Variants in CADM2 observed in about 807,000 individuals in gnomAD.
The protein encoded by CADM2 is cell adhesion molecule 2.
Under a neutral mutation model 49.8 loss-of-function variants are expected in CADM2, and 12 were observed. That is an observed-to-expected ratio of 0.24 (90% CI 0.15 to 0.39). The LOEUF is 0.39. Among genes scored for constraint, CADM2 ranks in the 10% least tolerant of loss-of-function variants. The pLI is 1.00. For missense variants in CADM2, 378 were observed against 492.3 expected (o/e 0.77, Z 2.20); for synonymous variants, 214 against 175.4 (o/e 1.22, Z -1.74).
chr3:85,383,129 C>T (rs897522324), intron 1 of CADM2, among the ~76,000 whole-genome samples: 1 of 152,174 alleles, frequency 6.6e-6, no homozygotes, highest in Non-Finnish European at 1.5e-5. Context: ...AAGCTGTAAA[C>T]AATCCAGCTG....
At chr3:85,916,244 A>C (rs1399437761) in intron 6 of CADM2, among the ~76,000 whole-genome samples, 1 of 152,090 alleles carries the variant, frequency 6.6e-6, no homozygotes, top group Non-Finnish European at 1.5e-5. Context: ...ATATGTATAC[A>C]TGTGCCATGT....
At chr3:85,821,625 TTTATC>T (rs1392480753) in intron 3 of CADM2, among the ~76,000 whole-genome samples, 2 of 152,150 alleles carry the variant, frequency 1.3e-5, no homozygotes, top group African/African-American at 4.8e-5. Context: ...CAGGAACTGT[TTTATC>T]TTCTATGCAA....
At chr3:85,674,130 T>C (rs185268120) in intron 1 of CADM2, among the ~76,000 whole-genome samples, 46 of 152,232 alleles carry the variant, frequency 3.0e-4, no homozygotes, top group Non-Finnish European at 6.2e-4. Flanking sequence ...GATTACATTT[T>C]AGTAGGTCTG....
intron 3 of CADM2, among the ~76,000 whole-genome samples, chr3:85,802,618 T>G (rs2072120831): frequency 6.6e-6 from 1 of 152,138 alleles, no homozygotes; most frequent in Non-Finnish European, 1.5e-5. Flanking sequence ...TTTCATGACT[T>G]TGCTCCGAAA....
chr3:85,742,306 A>G (rs1358697828), intron 2 of CADM2, among the ~76,000 whole-genome samples: 1 of 152,178 alleles, frequency 6.6e-6, no homozygotes, highest in African/African-American at 2.4e-5. Context: ...CATGTTATAG[A>G]TGTTATACAT....
chr3:85,886,444 A>G (rs966310767), intron 5 of CADM2, 117 bp downstream of exon 5: 10 of 703,116 alleles, frequency 1.4e-5, no homozygotes, highest in Admixed American at 1.0e-4. Context: ...ATTATGCATC[A>G]TTTGAACCAG....
chr3:85,354,861 A>T (rs1365088776), intron 1 of CADM2, among the ~76,000 whole-genome samples: 3 of 152,018 alleles, frequency 2.0e-5, no homozygotes, highest in Admixed American at 2.0e-4. Context: ...GCTGAGTGAG[A>T]TGGCCAAATA....
intron 1 of CADM2, among the ~76,000 whole-genome samples, chr3:85,546,475 T>A (rs2061672329): frequency 6.6e-6 from 1 of 152,124 alleles, no homozygotes; most frequent in Non-Finnish European, 1.5e-5. Flanking sequence ...CTTGTTCTTT[T>A]GTTTTCAAAG....
intron 8 of CADM2, 45 bp downstream of exon 8, chr3:85,961,692 T>G: frequency 7.2e-7 from 1 of 1,386,212 alleles, no homozygotes; most frequent in Non-Finnish European, 9.7e-7. Context: ...GATGCATAAC[T>G]TGAAAAACTA....
At position 85,415,279 on chromosome 3, in the gene CADM2, T is replaced by G. The variant is rs537678140; in HGVS notation, c.62-311243T>G. 5.9e-5 allele frequency among the ~76,000 whole-genome samples: 9 copies of G among 152,192 alleles called. No homozygotes were observed. In the South Asian group the frequency reaches 1.9e-3, roughly 32 times the overall value. On this transcript the variant is annotated intron_variant, in intron 1 of 9. Coordinates refer to ENST00000383699, the MANE Select transcript of CADM2 (RefSeq NM_001167675.2). ...TCGTGGACTTAAGAATTGCCCCTAG[T>G]TGGTTTAAATATATTTCCGGGTTCC...
At chr3:85,347,837 T>C (rs2030901502) in intron 1 of CADM2, among the ~76,000 whole-genome samples, 1 of 150,482 alleles carries the variant, frequency 6.6e-6, no homozygotes, top group South Asian at 2.1e-4. Context: ...AGATGGAGTC[T>C]CGCTCTGTCG....
chr3:85,351,013 C>G (rs950409975), intron 1 of CADM2, among the ~76,000 whole-genome samples: 26 of 152,192 alleles, frequency 1.7e-4, no homozygotes, highest in African/African-American at 6.3e-4. Flanking sequence ...AAAGTAAACT[C>G]AGATATACTG....
chr3:85,092,859 C>G (rs1037047270), intron 1 of CADM2, among the ~76,000 whole-genome samples: 7 of 152,132 alleles, frequency 4.6e-5, no homozygotes, highest in Non-Finnish European at 1.5e-5. Flanking sequence ...GCAGACTTTA[C>G]GACAAGGTGC....
intron 1 of CADM2, among the ~76,000 whole-genome samples, chr3:85,009,906 A>AATAC (rs1442140371): frequency 2.0e-4 from 30 of 146,696 alleles, no homozygotes; most frequent in African/African-American, 7.2e-4. Context: ...TAAATAAATA[A>AATAC]ATATTTTAAA....
At chr3:85,427,427 G>C (rs182806830) in intron 1 of CADM2, among the ~76,000 whole-genome samples, 2 of 151,778 alleles carry the variant, frequency 1.3e-5, no homozygotes, top group African/African-American at 4.8e-5. Context: ...GAGGTTAAGC[G>C]TCTAGGTTTT....
chr3:85,477,864 A>T, intron 1 of CADM2, among the ~76,000 whole-genome samples: 1 of 151,942 alleles, frequency 6.6e-6, no homozygotes, highest in Non-Finnish European at 1.5e-5. Flanking sequence ...TAGTGTGTAA[A>T]TAACACCAGT....
rs544512796 is a variant in CADM2 at position 85,072,107 on chromosome 3, A to G, written c.61+112439A>G. ...AAACTGGGTAATCTTCAATTATTAA[A>G]TGATTATTTCCAAATAATAAGATTT... On this transcript the variant is annotated intron_variant, in intron 1 of 9. Coordinates refer to ENST00000383699, the MANE Select transcript of CADM2 (RefSeq NM_001167675.2). Among the ~76,000 whole-genome samples, 254 of 151,840 alleles carry G rather than the reference A, an allele frequency of 1.7e-3. 1 individual carries two copies. The highest frequency in any genetic ancestry group is 2.7e-3 in the Non-Finnish European group (186 of 67,832).
intron 8 of CADM2, chr3:86,015,061 A>G: frequency 1.4e-6 from 1 of 724,754 alleles, no homozygotes. Context: ...ACACACGTTA[A>G]ACCCTATACA....
At chr3:85,354,438 G>A (rs1178624905) in intron 1 of CADM2, among the ~76,000 whole-genome samples, 2 of 151,256 alleles carry the variant, frequency 1.3e-5, no homozygotes, top group Admixed American at 1.3e-4. Context: ...CACCAACATG[G>A]CACATGTATA....
Sources: gnomAD v4.1 joint callset for allele counts (sites outside exome capture counted in the v4.1 genomes callset) on GRCh38, gnomAD v4.1.1 for gene constraint, MANE v1.5 for transcripts, NCBI Gene and HGNC (gene_info 2026-07-23, HGNC 2026-07-21) for gene names.